HMCN1: variants seen among roughly 807,000 people sequenced by gnomAD.
HMCN1 encodes hemicentin-1.
In HMCN1, 321 loss-of-function variants were observed where a neutral mutation model predicts 625.9. The observed-to-expected ratio is 0.51, with a 90% CI of 0.47 to 0.56. The LOEUF (loss-of-function observed/expected upper bound fraction) is 0.56. HMCN1 is among the 20% of genes least tolerant of loss of function. The probability of loss-of-function intolerance (pLI) is 0.00; values close to 1 mark genes in which losing one functional copy is unlikely to be tolerated. For synonymous variants in HMCN1, 2,425 were observed against 2,417.6 expected (o/e 1.00, Z -0.09); for missense variants, 6,588 against 6,887.3 (o/e 0.96, Z 1.54).
chr1:185,883,243 C>A (rs897408059), intron 4 of HMCN1, among the ~76,000 whole-genome samples: 4 of 152,018 alleles, frequency 2.6e-5, no homozygotes, highest in African/African-American at 9.7e-5. Context: ...CTAAAATACT[C>A]ACAAAATACT....
At chr1:185,740,141 T>C (rs1165117159) in intron 1 of HMCN1, among the ~76,000 whole-genome samples, 2 of 152,196 alleles carry the variant, frequency 1.3e-5, no homozygotes, top group African/African-American at 2.4e-5. Flanking sequence ...TAGTCCATTA[T>C]GACTTTGGCT....
intron 14 of HMCN1, among the ~76,000 whole-genome samples, chr1:185,966,423 G>T (rs1198871267): frequency 6.6e-6 from 1 of 152,242 alleles, no homozygotes; most frequent in East Asian, 1.9e-4. Context: ...CTCAACTATA[G>T]AAATTATCTT....
At chr1:185,796,175 T>G (rs1658359924) in intron 1 of HMCN1, among the ~76,000 whole-genome samples, 1 of 152,148 alleles carries the variant, frequency 6.6e-6, no homozygotes, top group African/African-American at 2.4e-5. Flanking sequence ...CTTAGAACAT[T>G]AGGCATTAGT....
intron 1 of HMCN1, among the ~76,000 whole-genome samples, chr1:185,776,441 GTT>G (rs1656615913): frequency 1.8e-5 from 2 of 113,398 alleles, no homozygotes; most frequent in Admixed American, 1.6e-4. Flanking sequence ...ATTGTATAGG[GTT>G]GTGTGTGTGT....
chr1:186,056,416 A>G (rs78781507), intron 45 of HMCN1, among the ~76,000 whole-genome samples: 246 of 152,106 alleles, frequency 1.6e-3, no homozygotes, highest in African/African-American at 5.7e-3. Context: ...ATCTTTTCCT[A>G]TAAGTAGGTT....
intron 15 of HMCN1, among the ~76,000 whole-genome samples, chr1:185,974,257 G>T (rs1651038970): frequency 6.6e-6 from 1 of 152,034 alleles, no homozygotes; most frequent in African/African-American, 2.4e-5. Flanking sequence ...ACTAACCACA[G>T]AAATTAACCA....
chr1:186,172,161 A>T lies in HMCN1; in HGVS notation c.15814+30A>T, dbSNP rs540944709. ...GTGTCTGGCTGTTTCCGTGACTGAG[A>T]TCAGTTTGCCGTCAACAAGTCAAGT... On this transcript the variant is annotated intron_variant, in intron 102 of 106. Transcript: ENST00000271588. 7.6e-5 allele frequency: 123 copies of T among 1,612,814 alleles called. 3 individuals are homozygous for T. The South Asian group carries it at 1.3e-3, about 17-fold the overall frequency.
intron 30 of HMCN1, among the ~76,000 whole-genome samples, chr1:186,012,807 A>G (rs189837535): frequency 9.9e-5 from 15 of 152,238 alleles, no homozygotes; most frequent in Middle Eastern, 3.4e-3. Context: ...TAATTTTTCA[A>G]ACTGTTGATT....
chr1:185,735,078 T>A (rs1221586791), intron 1 of HMCN1, 31 bp downstream of exon 1: 9 of 1,603,226 alleles, frequency 5.6e-6, no homozygotes, highest in Non-Finnish European at 6.8e-6. Context: ...TTGTCTTTGC[T>A]ATGTCTCATG....
In HMCN1 at chr1:185,997,651, G is replaced by A; in HGVS notation, c.3874+127G>A. On this transcript the variant is annotated intron_variant, in intron 25 of 106. Transcript: ENST00000271588. ...CTTGGTAGAACATTTGAGCATAATA[G>A]AAACTAACCCATTTTTCAGATAACA... The A allele has an allele frequency of 4.2e-6, 3 of 713,976 alleles. No individual in the cohort carries two copies. In the South Asian group the frequency reaches 4.6e-5, roughly 11 times the overall value. 44.2% of individuals were successfully genotyped at this position (713,976 alleles called of 1,614,324 possible).
chr1:186,133,657 C>CTGTT (rs967360544), intron 86 of HMCN1, among the ~76,000 whole-genome samples: 1 of 152,150 alleles, frequency 6.6e-6, no homozygotes, highest in African/African-American at 2.4e-5. Context: ...GATTAGTTAG[C>CTGTT]TGTTTGCCAA....
At position 186,016,911 on chromosome 1, in the gene HMCN1, T is replaced by A. The variant is rs974474400; in HGVS notation, c.5192-52T>A. On this transcript the variant is annotated intron_variant, in intron 32 of 106. Coordinates refer to ENST00000271588, the MANE Select transcript of HMCN1 (RefSeq NM_031935.3). The stretch of plus-strand genomic sequence containing the variant: ...TGTATTATTGCTTCATATGATGGTG[T>A]GTTTTTTGTTGTATACATTTCTTTG... The A allele has an allele frequency of 4.2e-6, 4 of 945,388 alleles. No homozygotes were observed. In the African/African-American group the frequency reaches 6.4e-5, roughly 15 times the overall value. The allele number at this position is 945,388 out of a possible 1,614,324, so 58.6% of individuals were successfully genotyped here. A position where few individuals can be genotyped will look rare whatever the true frequency, so the allele number is the denominator to read the frequency against.
chr1:185,848,356 C>T (rs1034056753), intron 2 of HMCN1, among the ~76,000 whole-genome samples: 13 of 152,196 alleles, frequency 8.5e-5, no homozygotes, highest in African/African-American at 2.2e-4. Flanking sequence ...TGGACTCTCC[C>T]TCCTGCTTGA....
chr1:186,093,446 A>G (rs767016054), intron 65 of HMCN1, 40 bp from the exon 66 acceptor site: 9 of 1,601,398 alleles, frequency 5.6e-6, no homozygotes, highest in Admixed American at 1.7e-5. Flanking sequence ...ATTACATAAT[A>G]CATCCCTCTT....
At chr1:185,997,270 C>T (rs542471513) in intron 24 of HMCN1, among the ~76,000 whole-genome samples, 159 bp from the exon 25 acceptor site, 75 of 151,994 alleles carry the variant, frequency 4.9e-4, no homozygotes, top group African/African-American at 1.4e-3. Flanking sequence ...CACTGGGTGA[C>T]GTCTAGGTAG....
intron 30 of HMCN1, among the ~76,000 whole-genome samples, chr1:186,010,170 T>G (rs1653902340): frequency 6.6e-6 from 1 of 151,982 alleles, no homozygotes; most frequent in Non-Finnish European, 1.5e-5. Context: ...TTGAGGGGTG[T>G]GCGTGTCTGT....
At chr1:186,138,075 T>C in intron 89 of HMCN1, 103 bp downstream of exon 89, 8 of 1,212,780 alleles carry the variant, frequency 6.6e-6, no homozygotes, top group Non-Finnish European at 9.6e-6. Context: ...AAAGATGTTA[T>C]GGCCTCTACC....
At chr1:185,866,197 C>T (rs1216096693) in intron 4 of HMCN1, among the ~76,000 whole-genome samples, 1 of 151,816 alleles carries the variant, frequency 6.6e-6, no homozygotes, top group Non-Finnish European at 1.5e-5. Context: ...TAAAATGAGG[C>T]TAAACTGGTT....
chr1:185,993,185 C>A lies in HMCN1; in HGVS notation c.3381C>A (p.His1127Gln). The A allele has an allele frequency of 6.2e-7, 1 of 1,612,034 alleles. No homozygotes were observed. The highest frequency in any genetic ancestry group is 8.5e-7 in the Non-Finnish European group (1 of 1,178,346). ...CTATATGGTTTCTTTCTTTTAGACACACATTCCTCCCTTCTGGTTCAATGA... is the reference window on the plus strand; with the variant it reads ...CTATATGGTTTCTTTCTTTTAGACAAACATTCCTCCCTTCTGGTTCAATGA... ...TQLISPFSPR[H>Q]TFLPSGSMKI... is the part of the protein sequence containing the mutation. The change falls in exon 23 of 107, where the codon CAC becomes CAA. Residue 1127 changes from histidine to glutamine, a missense_variant. Around this residue, in one of 3 missense-constraint regions of HMCN1, gnomAD observed 4,628 missense variants for 4,853.1 expected, o/e 0.95. Coordinates refer to ENST00000271588, the MANE Select transcript of HMCN1 (RefSeq NM_031935.3).
Sources: allele counts gnomAD v4.1 joint callset (sites outside exome capture counted in the v4.1 genomes callset), GRCh38; gene constraint gnomAD v4.1.1; regional missense constraint gnomAD v4.1.1; transcripts MANE v1.5; gene names NCBI Gene and HGNC (gene_info 2026-07-23, HGNC 2026-07-21).